The following LEKR1 variants were observed in gnomAD, a reference collection of about 807,000 sequenced individuals.
LEKR1 encodes leucine, glutamate and lysine rich 1, also known as protein LEKR1.
Under a neutral mutation model 72.4 loss-of-function variants are expected in LEKR1, and 59 were observed. That is an observed-to-expected ratio of 0.82 (90% confidence interval 0.66 to 1.01). The LOEUF is 1.01. Ranked by LOEUF, LEKR1 falls within the 50% of genes least tolerant of loss-of-function variation. The pLI is 0.00. For missense variants in LEKR1, 728 were observed against 759.2 expected (o/e 0.96, Z 0.48); for synonymous variants, 257 against 263.2 (o/e 0.98, Z 0.23).
intron 3 of LEKR1, among the ~76,000 whole-genome samples, chr3:156,899,327 T>C (rs1316806419): frequency 7.8e-6 from 1 of 128,164 alleles, no homozygotes; most frequent in Non-Finnish European, 1.7e-5. Flanking sequence ...TATATATACA[T>C]ATATACATAT....
At chr3:156,860,558 A>C (rs1716649086) in intron 3 of LEKR1, among the ~76,000 whole-genome samples, 1 of 152,174 alleles carries the variant, frequency 6.6e-6, no homozygotes, top group South Asian at 2.1e-4. Flanking sequence ...TTTGAGACCA[A>C]ATTAATGCAG....
In LEKR1 at chr3:157,015,578, G is replaced by A. The variant is rs923049927; in HGVS notation, c.1203+4072G>A. ...ATAATCAAGCTGATTTCAAGAAACT[G>A]AACTGCATCCTAGGACAGAGCTCAA... On this transcript the variant is annotated intron_variant, in intron 10 of 12. Transcript: ENST00000356539. 2.6e-5 allele frequency among the ~76,000 whole-genome samples: 4 copies of A among 152,228 alleles called. 1 individual carries two copies. In the South Asian group the frequency reaches 8.3e-4, roughly 32 times the overall value.
intron 3 of LEKR1, among the ~76,000 whole-genome samples, chr3:156,866,426 A>G (rs1020732008): frequency 6.6e-6 from 1 of 151,990 alleles, no homozygotes; most frequent in African/African-American, 2.4e-5. Context: ...TCTTCTTGCA[A>G]TGGTGAGATT....
At chr3:156,851,408 G>A (rs1301857649) in intron 2 of LEKR1, among the ~76,000 whole-genome samples, 1 of 152,120 alleles carries the variant, frequency 6.6e-6, no homozygotes, top group East Asian at 1.9e-4. Context: ...GGAACAGAAT[G>A]CTTTAAAAAG....
At chr3:156,952,511 A>G (rs910483629) in intron 6 of LEKR1, among the ~76,000 whole-genome samples, 4 of 151,434 alleles carry the variant, frequency 2.6e-5, no homozygotes, top group African/African-American at 4.8e-5. Context: ...TCAATAAAAA[A>G]CGAAACTACT....
In LEKR1 at chr3:157,045,737, G is replaced by T; in HGVS notation, c.2066G>T (p.Arg689Leu). Residue 689 changes from arginine (R) to leucine (L), a missense_variant, in exon 13 of 13, where the codon CGG becomes CTG. Arg to Leu is a moderately radical substitution (Grantham distance 102). Coordinates refer to ENST00000356539, the MANE Select transcript of LEKR1 (RefSeq NM_001004316.3). ...QRLAAILRRR[R>L]SQQ ...CTGGCTGCCATTCTTAGGAGAAGGC[G>T]GAGTCAGCAATGATCCAAAATGAGG... The T allele has an allele frequency of 6.2e-7, 1 of 1,607,986 alleles. No homozygotes were observed. The highest frequency in any genetic ancestry group is 8.5e-7 in the Non-Finnish European group (1 of 1,179,894).
At position 156,976,107 on chromosome 3, in the gene LEKR1, A is replaced by G. The variant is rs1314413856; in HGVS notation, c.746-3087A>G. ...GACAGGAACTGGGCACTCTGCTTCT[A>G]AAAACAAAAGGACCAGACTAGTCTA... On this transcript the variant is annotated intron_variant, in intron 6 of 12. Coordinates refer to ENST00000356539, the MANE Select transcript of LEKR1 (RefSeq NM_001004316.3). Among the ~76,000 whole-genome samples, 3 of 152,168 alleles carry G rather than the reference A, an allele frequency of 2.0e-5. No individual in the cohort carries two copies. In the East Asian group the frequency reaches 5.8e-4, roughly 29 times the overall value.
rs749630004 is a variant in LEKR1, at chr3:156,993,074, G to A, written c.906G>A (p.Gln302=). Residue 302 remains glutamine, a splice_region_variant and synonymous_variant, in exon 9 of 13, where the codon CAG becomes CAA. Transcript: ENST00000356539. ...GGGTGTTTTTCCTATTTCTTTTTAG[G>A]CATACTATGCTGCTTAAGGAAAAAG... The part of the protein sequence containing the change: ...LKFESIISES[Q]HTMLLKEKED... 25 of 1,555,362 alleles carry A rather than the reference G, an allele frequency of 1.6e-5. No individual in the cohort carries two copies. In the South Asian group the frequency reaches 2.8e-4, roughly 17 times the overall value.
chr3:157,027,797 T>C lies in LEKR1; in HGVS notation c.1369-306T>C, dbSNP rs139529807. 2.5e-3 allele frequency among the ~76,000 whole-genome samples: 384 copies of C among 152,182 alleles called. 4 individuals carry two copies. Among genetic ancestry groups the C allele is most frequent in the African/African-American group, 8.7e-3 (362 of 41,516 alleles). On this transcript the variant is annotated intron_variant, in intron 11 of 12. Transcript: ENST00000356539. ...CCACTGCACCACTGTGCTCCAGCCT[T>C]GGCAACAGAGCAAGACCCTGTCTCA...
intron 3 of LEKR1, among the ~76,000 whole-genome samples, chr3:156,865,208 G>A (rs59244547): frequency 0.16 from 23,816 of 151,918 alleles, 2,136 homozygotes; most frequent in South Asian, 0.25. Flanking sequence ...CATTAAGGTA[G>A]TGTTGAGGCT....
intron 10 of LEKR1, among the ~76,000 whole-genome samples, chr3:157,023,859 C>G (rs1011983202): frequency 6.6e-6 from 1 of 152,194 alleles, no homozygotes; most frequent in Non-Finnish European, 1.5e-5. Flanking sequence ...AGTATGGATA[C>G]AGATGCTCTT....
At chr3:157,020,293 T>TATA (rs908040541) in intron 10 of LEKR1, among the ~76,000 whole-genome samples, 2 of 137,978 alleles carry the variant, frequency 1.4e-5, no homozygotes, top group African/African-American at 2.7e-5. Context: ...TTATTATTAT[T>TATA]ATACTTTAAG....
rs35621263 is a variant in LEKR1, at chr3:157,043,452, G to GT, written c.1669-1874dup. Among the ~76,000 whole-genome samples, 851 of 145,652 alleles carry GT rather than the reference G, an allele frequency of 5.8e-3. 3 individuals carry two copies. Among genetic ancestry groups the GT allele is most frequent in the African/African-American group, 0.017 (668 of 39,606 alleles). On this transcript the variant is annotated intron_variant, in intron 12 of 12. Transcript: ENST00000356539. ...AAACCAGATGAAAATGTCCTTCTGT[G>GT]TTTTTTTTTTTTTTCAGTGTCCTGG...
Position 157,034,687 on chromosome 3 carries a change from C to T in LEKR1, c.1668+6285C>T, listed in dbSNP as rs531154446. Among the ~76,000 whole-genome samples, 4 of 152,340 alleles carry T rather than the reference C, an allele frequency of 2.6e-5. No homozygotes were observed. The South Asian group carries it at 8.3e-4, about 32-fold the overall frequency. On this transcript the variant is annotated intron_variant, in intron 12 of 12. Coordinates refer to ENST00000356539, the MANE Select transcript of LEKR1 (RefSeq NM_001004316.3). ...CAGTGACAGGGTTTGAGAGGATTGA[C>T]TCCAATTTTGGCAGAAGTTCTACTG... is the stretch of plus-strand genomic sequence containing the variant.
rs559481584 is a variant in LEKR1, at chr3:157,028,050, T to C, written c.1369-53T>C. The C allele has an allele frequency of 3.0e-4, 359 of 1,196,878 alleles. No homozygotes were observed. In the Middle Eastern group the frequency reaches 3.7e-3, roughly 12 times the overall value. 74.1% of individuals were successfully genotyped at this position (1,196,878 alleles called of 1,614,324 possible). A position where few individuals can be genotyped will look rare whatever the true frequency, so the allele number is the denominator to read the frequency against. On this transcript the variant is annotated intron_variant, in intron 11 of 12. Transcript: ENST00000356539. ...AACCTCTTAAAAACCATAAGAATTC[T>C]GTGGTTACCTAGAAACTATCGCCTA...
At chr3:157,006,996 G>A (rs1430195587) in intron 9 of LEKR1, among the ~76,000 whole-genome samples, 2 of 152,030 alleles carry the variant, frequency 1.3e-5, no homozygotes, top group Admixed American at 6.5e-5. Flanking sequence ...GGTCAGGAGC[G>A]AGACCATCCT....
chr3:156,855,894 C>T (rs1715995646), intron 3 of LEKR1, among the ~76,000 whole-genome samples: 1 of 152,064 alleles, frequency 6.6e-6, no homozygotes. Context: ...AGAAGAGTCT[C>T]ACTGGCTTTA....
At chr3:156,919,414 C>A (rs949971942) in intron 3 of LEKR1, among the ~76,000 whole-genome samples, 1 of 152,152 alleles carries the variant, frequency 6.6e-6, no homozygotes, top group African/African-American at 2.4e-5. Flanking sequence ...TGGACAGCTA[C>A]TATGCTGCCA....
intron 2 of LEKR1, among the ~76,000 whole-genome samples, chr3:156,849,221 A>G (rs1194344425): frequency 4.6e-5 from 7 of 152,246 alleles, no homozygotes; most frequent in Admixed American, 4.6e-4. Flanking sequence ...GACCTCTTCA[A>G]GGAGAACTAC....
Sources: gnomAD v4.1 joint callset for allele counts (sites outside exome capture counted in the v4.1 genomes callset) on GRCh38, gnomAD v4.1.1 for gene constraint, MANE v1.5 for transcripts, NCBI Gene and HGNC (gene_info 2026-07-23, HGNC 2026-07-21) for gene names.